RANBP10: variants seen among roughly 807,000 people sequenced by gnomAD.
RANBP10 encodes the protein ran-binding protein 10.
In RANBP10, 24 loss-of-function variants were observed where a neutral mutation model predicts 72.8. The ratio of observed to expected loss-of-function variants is 0.33; its 90% CI spans 0.24 to 0.46. The LOEUF (loss-of-function observed/expected upper bound fraction) is 0.46. Among genes scored for constraint, RANBP10 ranks in the 20% least tolerant of loss-of-function variants. The pLI, the probability that RANBP10 is intolerant of heterozygous loss-of-function variation, is 1.00. For synonymous variants in RANBP10, 310 were observed against 322.3 expected, an observed-to-expected ratio of 0.96 and a Z score of 0.41; for missense variants, 679 against 817.5, an observed-to-expected ratio of 0.83 and a Z score of 2.07.
chr16:67,743,063 T>A (rs911130175), intron 4 of RANBP10, among the ~76,000 whole-genome samples: 1 of 152,206 alleles, frequency 6.6e-6, no homozygotes, highest in Non-Finnish European at 1.5e-5. Flanking sequence ...GGCTGGGGCA[T>A]CCAGTTGCAG....
intron 2 of RANBP10, among the ~76,000 whole-genome samples, chr16:67,777,458 C>A (rs1043953349): frequency 3.3e-5 from 5 of 152,158 alleles, no homozygotes; most frequent in African/African-American, 1.2e-4. Flanking sequence ...ATGGCGTGAA[C>A]CCAGGAGGCT....
rs562827944 is a variant in RANBP10, at chr16:67,727,499, G to A, written c.1621-61C>T. On this transcript the variant is annotated intron_variant, in intron 12 of 13. Transcript: ENST00000317506. ...CACACCATAGCTCACCCTGCTACCCGTGGCTCCAGAGGGAGACAGGGCCCT... is the reference window on the plus strand; with the variant it reads ...CACACCATAGCTCACCCTGCTACCCATGGCTCCAGAGGGAGACAGGGCCCT... 192 of 1,501,738 alleles carry A rather than the reference G, an allele frequency of 1.3e-4. 2 individuals are homozygous for A. The South Asian group carries it at 1.8e-3, about 14-fold the overall frequency. The allele number at this position is 1,501,738 out of a possible 1,614,324, so 93.0% of individuals were successfully genotyped here. A position where few individuals can be genotyped will look rare whatever the true frequency, so the allele number is the denominator to read the frequency against.
chr16:67,747,321 T>C (rs1011907974), intron 3 of RANBP10, among the ~76,000 whole-genome samples: 1 of 152,244 alleles, frequency 6.6e-6, no homozygotes, highest in East Asian at 1.9e-4. Context: ...TGCCACCTAT[T>C]TGTTGGAAAA....
chr16:67,767,054 T>G (rs1247516966), intron 3 of RANBP10, among the ~76,000 whole-genome samples: 3 of 152,244 alleles, frequency 2.0e-5, no homozygotes, highest in Non-Finnish European at 2.9e-5. Flanking sequence ...CAAAGAGAAG[T>G]GCACCCATGA....
At chr16:67,780,136 G>A (rs1323742336) in intron 2 of RANBP10, among the ~76,000 whole-genome samples, 1 of 152,122 alleles carries the variant, frequency 6.6e-6, no homozygotes, top group Non-Finnish European at 1.5e-5. Flanking sequence ...TGAGGCTGAG[G>A]CAGGACAATC....
chr16:67,736,946 C>T (rs1184836765), intron 5 of RANBP10, among the ~76,000 whole-genome samples: 1 of 152,152 alleles, frequency 6.6e-6, no homozygotes, highest in Non-Finnish European at 1.5e-5. Flanking sequence ...AAGCAGCCAC[C>T]AGAGTCAGCA....
At chr16:67,797,044 G>A (rs1475299549) in intron 2 of RANBP10, among the ~76,000 whole-genome samples, 1 of 152,010 alleles carries the variant, frequency 6.6e-6, no homozygotes, top group African/African-American at 2.4e-5. Context: ...CCTTCCCAAT[G>A]GTCCCATAAT....
chr16:67,729,405 G>T lies in RANBP10; in HGVS notation c.1227C>A (p.Ser409Arg). The change falls in exon 10 of 14, where the codon AGC becomes AGA. Residue 409 changes from serine to arginine, a missense_variant. Transcript: ENST00000317506. This position sits in a 1 kb window ranked among gnomAD's most constrained non-coding sequence, Gnocchi z 7.1. The part of the protein sequence containing the change: ...KQNHSKYPAP[S>R]SSSSSSSSSS... ...AGGAGGAGGAGGACGAGGATGAGGAGCTGGGTGCAGGGTATTTACTGTGGT... is the reference window on the plus strand; with the variant it reads ...AGGAGGAGGAGGACGAGGATGAGGATCTGGGTGCAGGGTATTTACTGTGGT... 1 of 1,613,802 alleles carries T rather than the reference G, an allele frequency of 6.2e-7. No individual in the cohort carries two copies. Among genetic ancestry groups the T allele is most frequent in the Non-Finnish European group, 8.5e-7 (1 of 1,180,004 alleles).
intron 3 of RANBP10, among the ~76,000 whole-genome samples, chr16:67,767,734 G>A (rs1021648536): frequency 1.3e-5 from 2 of 151,934 alleles, no homozygotes; most frequent in Non-Finnish European, 2.9e-5. Context: ...GTAGCTGGGA[G>A]TACAGGCGCC....
chr16:67,798,793 A>C (rs1043824182), intron 2 of RANBP10, among the ~76,000 whole-genome samples: 3 of 152,226 alleles, frequency 2.0e-5, no homozygotes, highest in African/African-American at 7.2e-5. Context: ...TGGCCAGAGA[A>C]GCCTGGCTGA....
In RANBP10 at chr16:67,806,524, T is replaced by C. The variant is rs1429074668; in HGVS notation, c.13A>G (p.Thr5Ala). ...GGGTTCCCAGCTCCCGGGTCTGCCG[T>C]CGCTGCCGCCATCTTGGAGGGAGCT... MAAA[T>A]ADPGAGNPQP... The change falls in exon 1 of 14, where the codon ACG (threonine) becomes GCG (alanine). Residue 5 changes from threonine to alanine, a missense_variant. By Grantham distance (58) the Thr-to-Ala change is moderately conservative. Coordinates refer to ENST00000317506, the MANE Select transcript of RANBP10 (RefSeq NM_020850.3). 4.0e-6 allele frequency: 6 copies of C among 1,509,970 alleles called. No homozygotes were observed. The highest frequency in any genetic ancestry group is 4.4e-5 in the Admixed American group (2 of 45,194). The allele number at this position is 1,509,970 out of a possible 1,614,324, so 93.5% of individuals were successfully genotyped here.
intron 2 of RANBP10, among the ~76,000 whole-genome samples, chr16:67,784,633 G>A (rs2054875699): frequency 1.3e-5 from 2 of 151,818 alleles, no homozygotes; most frequent in Admixed American, 1.3e-4. Context: ...TCCAGCCTGG[G>A]CCACAAGAGT....
At chr16:67,770,693 T>C (rs1402475620) in intron 3 of RANBP10, among the ~76,000 whole-genome samples, 1 of 152,198 alleles carries the variant, frequency 6.6e-6, no homozygotes, top group Non-Finnish European at 1.5e-5. Flanking sequence ...CGGCAGAAGC[T>C]CTGTCTCCCC....
At chr16:67,768,142 C>A (rs931012768) in intron 3 of RANBP10, among the ~76,000 whole-genome samples, 1 of 151,742 alleles carries the variant, frequency 6.6e-6, no homozygotes, top group Non-Finnish European at 1.5e-5. Context: ...GTAATCCCAG[C>A]ACTTTGGGAG....
At chr16:67,734,796 G>T in intron 6 of RANBP10, 62 bp downstream of exon 6, 1 of 1,449,790 alleles carries the variant, frequency 6.9e-7, no homozygotes, top group Non-Finnish European at 9.1e-7. Flanking sequence ...CCCTACAGGG[G>T]CCTAGAGTGA....
At chr16:67,776,849 C>G (rs1455556131) in intron 2 of RANBP10, among the ~76,000 whole-genome samples, 1 of 150,784 alleles carries the variant, frequency 6.6e-6, no homozygotes, top group East Asian at 1.9e-4. Flanking sequence ...AGTTGTATTG[C>G]TACACACTTA....
intron 3 of RANBP10, among the ~76,000 whole-genome samples, chr16:67,746,430 G>A (rs1173482128): frequency 2.0e-5 from 3 of 151,952 alleles, no homozygotes; most frequent in African/African-American, 2.4e-5. Context: ...GCAGTGAGCC[G>A]AGATCGCGCC....
Position 67,730,097 on chromosome 16 carries a change from C to T in RANBP10, c.890-51G>A, listed in dbSNP as rs377248368. 7 of 1,530,852 alleles carry T rather than the reference C, an allele frequency of 4.6e-6. No individual in the cohort carries two copies. The African/African-American group carries it at 5.4e-5, about 12-fold the overall frequency. The allele number at this position is 1,530,852 out of a possible 1,614,324, so 94.8% of individuals were successfully genotyped here. ...GAGCGAGGGCTACAGGCCTCTCCCA[C>T]AGCCACACACCTGGGATGCTGCCAG... On this transcript the variant is annotated intron_variant, in intron 7 of 13. Coordinates refer to ENST00000317506, the MANE Select transcript of RANBP10 (RefSeq NM_020850.3). This position sits in a 1 kb window ranked among gnomAD's most constrained non-coding sequence, Gnocchi z 4.3.
intron 2 of RANBP10, among the ~76,000 whole-genome samples, chr16:67,785,494 G>A (rs1346198276): frequency 6.6e-6 from 1 of 152,022 alleles, no homozygotes; most frequent in African/African-American, 2.4e-5. Flanking sequence ...TTGAGAGGCT[G>A]AGGCAGGCGG....
Sources: allele counts gnomAD v4.1 joint callset (sites outside exome capture counted in the v4.1 genomes callset), GRCh38; gene constraint gnomAD v4.1.1; non-coding constraint Gnocchi (gnomAD v3.1); transcripts MANE v1.5; gene names NCBI Gene and HGNC (gene_info 2026-07-23, HGNC 2026-07-21).